The following GRIK4 variants were observed in gnomAD, a reference collection of about 807,000 sequenced individuals.
GRIK4 encodes the protein glutamate ionotropic receptor kainate type subunit 4.
In GRIK4, 40 loss-of-function variants were observed where a neutral mutation model predicts 104.9. The observed-to-expected ratio is 0.38, with a 90% CI of 0.30 to 0.50. The LOEUF is 0.50. Among genes scored for constraint, GRIK4 ranks in the 20% least tolerant of loss-of-function variants. The probability of loss-of-function intolerance (pLI) is 0.93; values close to 1 mark genes in which losing one functional copy is unlikely to be tolerated. For synonymous variants in GRIK4, 485 were observed against 524.9 expected (o/e 0.92, Z 1.04); for missense variants, 1,047 against 1,308.1 (o/e 0.80, Z 3.08).
At chr11:120,724,252 G>A (rs779233050) in intron 3 of GRIK4, among the ~76,000 whole-genome samples, 1 of 152,250 alleles carries the variant, frequency 6.6e-6, no homozygotes, top group Non-Finnish European at 1.5e-5. Context: ...GGGCTCAAGC[G>A]ATCCTCCTTA....
chr11:120,939,112 TG>T lies in GRIK4; in HGVS notation c.1477-1234del, dbSNP rs375845238. Among the ~76,000 whole-genome samples the T allele has an allele frequency of 0.25, 37,332 of 152,180 alleles. 5,310 individuals are homozygous for T. The highest frequency in any genetic ancestry group is 0.37 in the Admixed American group (5,697 of 15,288). On this transcript the variant is annotated intron_variant, in intron 13 of 20. Transcript: ENST00000527524. The surrounding 1 kb of genome is among the most constrained non-coding windows in gnomAD (Gnocchi z 5.6). ...GTTAGAGTAGAGGATGCATTAGAAC[TG>T]AGCACCAGTTCTGGGCTTTTCCCAC... is the stretch of plus-strand genomic sequence containing the variant.
chr11:120,582,081 A>G (rs1222697388), intron 1 of GRIK4, among the ~76,000 whole-genome samples: 1 of 151,418 alleles, frequency 6.6e-6, no homozygotes, highest in Non-Finnish European at 1.5e-5. Flanking sequence ...TGCTGGGATT[A>G]CAGGCATGAG....
chr11:120,927,748 T>A (rs1943385469), intron 13 of GRIK4, among the ~76,000 whole-genome samples: 1 of 152,198 alleles, frequency 6.6e-6, no homozygotes, highest in Non-Finnish European at 1.5e-5. Context: ...GTGTTGCTGT[T>A]AGACACACTT....
intron 1 of GRIK4, among the ~76,000 whole-genome samples, chr11:120,526,077 T>C (rs1947852904): frequency 6.6e-6 from 1 of 152,202 alleles, no homozygotes. Flanking sequence ...TAATAGAAGC[T>C]GGGATAGCAG....
intron 8 of GRIK4, among the ~76,000 whole-genome samples, chr11:120,837,509 T>C (rs1429814733): frequency 2.0e-5 from 3 of 152,162 alleles, no homozygotes; most frequent in Non-Finnish European, 2.9e-5. Flanking sequence ...TTCATGGTAG[T>C]CTAGCGTGCA....
intron 4 of GRIK4, among the ~76,000 whole-genome samples, chr11:120,804,501 C>T (rs1237348749): frequency 2.0e-5 from 3 of 152,188 alleles, no homozygotes; most frequent in Non-Finnish European, 4.4e-5. Flanking sequence ...CCAGGCTCTT[C>T]CCTCTCTCTT....
intron 3 of GRIK4, among the ~76,000 whole-genome samples, chr11:120,694,267 G>A (rs961783052): frequency 3.3e-5 from 5 of 152,184 alleles, no homozygotes; most frequent in Admixed American, 3.3e-4. Context: ...TGGGCTAAAT[G>A]TCAAGGTACC....
At chr11:120,941,818 C>T (rs188857636) in intron 14 of GRIK4, among the ~76,000 whole-genome samples, 31 of 152,190 alleles carry the variant, frequency 2.0e-4, no homozygotes, top group African/African-American at 7.0e-4. Context: ...CCTGGCCCCA[C>T]CAATACCTCG....
At chr11:120,607,908 G>A (rs1419432738) in intron 1 of GRIK4, among the ~76,000 whole-genome samples, 3 of 152,164 alleles carry the variant, frequency 2.0e-5, no homozygotes, top group Non-Finnish European at 4.4e-5. Context: ...GGGCAGGTGA[G>A]ACCCTGGATT....
At chr11:120,741,150 T>TA (rs1951323459) in intron 3 of GRIK4, among the ~76,000 whole-genome samples, 1 of 152,148 alleles carries the variant, frequency 6.6e-6, no homozygotes, top group Non-Finnish European at 1.5e-5. Context: ...CTGCATGCAT[T>TA]AACTCATTTA....
intron 3 of GRIK4, among the ~76,000 whole-genome samples, chr11:120,755,364 TG>T (rs1951633981): frequency 6.6e-6 from 1 of 152,068 alleles, no homozygotes; most frequent in Admixed American, 6.5e-5. Flanking sequence ...CCCAGCACTT[TG>T]GAGGCCGATG....
chr11:120,577,754 G>T (rs12295741), intron 1 of GRIK4, among the ~76,000 whole-genome samples: 26,446 of 152,108 alleles, frequency 0.17, 6,613 homozygotes, highest in African/African-American at 0.55. Context: ...TGCTGAGCTG[G>T]CCCAGAGTAT....
chr11:120,666,259 G>A (rs1036566150), intron 3 of GRIK4, among the ~76,000 whole-genome samples: 1 of 152,228 alleles, frequency 6.6e-6, no homozygotes, highest in African/African-American at 2.4e-5. Context: ...AGTCTCCCAG[G>A]TTTGTGACTT....
At chr11:120,564,705 G>T (rs1948289291) in intron 1 of GRIK4, 1 of 152,306 alleles carries the variant, frequency 6.6e-6, no homozygotes. Flanking sequence ...ACCCTAAAGG[G>T]CACGGCCGCC....
intron 1 of GRIK4, among the ~76,000 whole-genome samples, chr11:120,580,283 TTTA>T (rs1423268528): frequency 0.04 from 5,777 of 144,430 alleles, 454 homozygotes; most frequent in African/African-American, 0.16. Flanking sequence ...TCTTTCTTTA[TTTA>T]TTTTTTTGAG....
intron 1 of GRIK4, among the ~76,000 whole-genome samples, chr11:120,573,077 T>C (rs975016419): frequency 6.6e-6 from 1 of 152,182 alleles, no homozygotes; most frequent in Non-Finnish European, 1.5e-5. Context: ...TAAAGCGAAG[T>C]GTTCTCTTGT....
chr11:120,649,966 G>T (rs1406444493), intron 1 of GRIK4, among the ~76,000 whole-genome samples: 1 of 152,176 alleles, frequency 6.6e-6, no homozygotes, highest in Non-Finnish European at 1.5e-5. Flanking sequence ...GGCTCATGTG[G>T]TCTTTGCCAG....
chr11:120,789,720 C>T (rs867069351), intron 3 of GRIK4, among the ~76,000 whole-genome samples: 1 of 152,030 alleles, frequency 6.6e-6, no homozygotes, highest in South Asian at 2.1e-4. Context: ...ATCTGCCTTC[C>T]CTGCCAGGTG....
At chr11:120,686,057 A>C (rs2135298455) in intron 3 of GRIK4, among the ~76,000 whole-genome samples, 1 of 152,228 alleles carries the variant, frequency 6.6e-6, no homozygotes. Flanking sequence ...ATACCTTTAA[A>C]GTGGGATTAA....
Sources: allele counts gnomAD v4.1 joint callset (sites outside exome capture counted in the v4.1 genomes callset), GRCh38; gene constraint gnomAD v4.1.1; non-coding constraint Gnocchi (gnomAD v3.1); transcripts MANE v1.5; gene names NCBI Gene and HGNC (gene_info 2026-07-23, HGNC 2026-07-21).